CMSS1: variants seen among roughly 807,000 people sequenced by gnomAD.
CMSS1 encodes the protein protein CMSS1.
CMSS1 carries 33 observed loss-of-function variants against 43.5 expected under a neutral mutation model. That is an observed-to-expected ratio of 0.76 (90% confidence interval 0.57 to 1.01). The LOEUF is 1.01. CMSS1 is among the 50% of genes least tolerant of loss of function. CMSS1 has a pLI of 0.00. For synonymous variants in CMSS1, 115 were observed against 117.2 expected (o/e 0.98, Z 0.12); for missense variants, 313 against 326.4 (o/e 0.96, Z 0.32).
chr3:99,936,558 T>TTTTTTTTTTTTTTTTTTTTTTTTTTTG, intron 1 of CMSS1, among the ~76,000 whole-genome samples: 1 of 142,330 alleles, frequency 7.0e-6, no homozygotes, highest in African/African-American at 2.7e-5. Context: ...GTATTTTTAC[T>TTTTTTTTTTTTTTTTTTTTTTTTTTTG]AGAGGTGGAA....
chr3:99,833,047 C>T (rs1484137465), intron 1 of CMSS1: 1 of 609,368 alleles, frequency 1.6e-6, no homozygotes, highest in African/African-American at 1.9e-5. Flanking sequence ...TCTTTTAAGA[C>T]CACACAGTGA....
intron 1 of CMSS1, among the ~76,000 whole-genome samples, chr3:99,977,848 G>T (rs892288953): frequency 1.1e-4 from 17 of 152,034 alleles, no homozygotes; most frequent in Non-Finnish European, 2.5e-4. Flanking sequence ...TCCAATAAGA[G>T]AAATCTGTTA....
At chr3:100,161,568 T>A (rs924605392) in intron 3 of CMSS1, among the ~76,000 whole-genome samples, 1 of 151,882 alleles carries the variant, frequency 6.6e-6, no homozygotes, top group African/African-American at 2.4e-5. Flanking sequence ...GGGGAAAATC[T>A]GGGGTCAGGG....
chr3:99,908,372 A>G (rs926171379), intron 1 of CMSS1, among the ~76,000 whole-genome samples: 1 of 152,378 alleles, frequency 6.6e-6, no homozygotes, highest in East Asian at 1.9e-4. Context: ...TTGGCATCTT[A>G]AAAGAACATT....
chr3:100,081,206 C>A (rs1445494841), intron 1 of CMSS1, among the ~76,000 whole-genome samples: 1 of 152,126 alleles, frequency 6.6e-6, no homozygotes, highest in African/African-American at 2.4e-5. Flanking sequence ...CCGAAGCCAC[C>A]CAAGAGTCCT....
At chr3:99,929,704 A>G in intron 1 of CMSS1, 4 of 550,488 alleles carry the variant, frequency 7.3e-6, no homozygotes, top group Non-Finnish European at 8.9e-6. Flanking sequence ...TAACTTTCCT[A>G]TTGAACTTGT....
intron 1 of CMSS1, chr3:99,924,092 A>G: frequency 1.3e-6 from 1 of 748,110 alleles, no homozygotes; most frequent in Non-Finnish European, 2.3e-6. Context: ...CTTCAAACAT[A>G]TCCTTTTCCT....
chr3:100,147,265 CTTTTTTTTTTTTTTT>C (rs71132514), intron 2 of CMSS1, among the ~76,000 whole-genome samples: 4 of 86,834 alleles, frequency 4.6e-5, no homozygotes, highest in African/African-American at 1.8e-4. Flanking sequence ...AATTCTTTTT[CTTTTTTTTTTTTTTT>C]TTTTTTTTGA....
At chr3:100,139,684 C>A (rs2066788922) in intron 1 of CMSS1, among the ~76,000 whole-genome samples, 1 of 150,652 alleles carries the variant, frequency 6.6e-6, no homozygotes, top group African/African-American at 2.4e-5. Flanking sequence ...GTAATCCCAG[C>A]TACCCAGGAG....
At chr3:99,980,099 G>A (rs1709077851) in intron 1 of CMSS1, among the ~76,000 whole-genome samples, 1 of 152,122 alleles carries the variant, frequency 6.6e-6, no homozygotes. Context: ...ATGATGAGAA[G>A]CCTAATTCAG....
At chr3:100,093,714 C>T (rs550475259) in intron 1 of CMSS1, among the ~76,000 whole-genome samples, 4 of 152,320 alleles carry the variant, frequency 2.6e-5, no homozygotes, top group African/African-American at 9.6e-5. Flanking sequence ...CCATCCCCTA[C>T]TCTCTCCTGA....
Position 100,107,878 on chromosome 3 carries a change from A to T in CMSS1, c.65-39095A>T, listed in dbSNP as rs772930718. On this transcript the variant is annotated intron_variant, in intron 1 of 9. Coordinates refer to ENST00000421999, the MANE Select transcript of CMSS1 (RefSeq NM_032359.4). ...TATGGTAGAAGAGAGCAAGAGAATT[A>T]AAAAAAAAAAAAAAAAAGTTACTTG... 5.0e-3 allele frequency among the ~76,000 whole-genome samples: 402 copies of T among 81,078 alleles called. 1 individual carries two copies. Among genetic ancestry groups the T allele is most frequent in the Non-Finnish European group, 7.3e-3 (232 of 31,740 alleles). 53.2% of individuals were successfully genotyped at this position (81,078 alleles called of 152,430 possible).
Position 99,973,232 on chromosome 3 carries a change from A to G in CMSS1, c.64+155189A>G, listed in dbSNP as rs933203217. Among the ~76,000 whole-genome samples, 4 of 152,180 alleles carry G rather than the reference A, an allele frequency of 2.6e-5. No homozygotes were observed. In the South Asian group the frequency reaches 8.3e-4, roughly 32 times the overall value. ...AACATCATAAACAAAATGAATAAAAATTTTTTTTCTCTTCTTGTGATCTCA... is the reference window on the plus strand; with the variant it reads ...AACATCATAAACAAAATGAATAAAAGTTTTTTTTCTCTTCTTGTGATCTCA... On this transcript the variant is annotated intron_variant, in intron 1 of 9. Transcript: ENST00000421999.
At chr3:99,881,149 CATAAGTTGGCT>C (rs1482869058) in intron 1 of CMSS1, among the ~76,000 whole-genome samples, 1 of 152,006 alleles carries the variant, frequency 6.6e-6, no homozygotes, top group Non-Finnish European at 1.5e-5. Flanking sequence ...CAGGGGATGC[CATAAGTTGGCT>C]ATGGACTCTA....
At chr3:100,074,844 C>T (rs1247163736) in intron 1 of CMSS1, among the ~76,000 whole-genome samples, 1 of 151,452 alleles carries the variant, frequency 6.6e-6, no homozygotes, top group Non-Finnish European at 1.5e-5. Flanking sequence ...CAGGTGCGCA[C>T]CACCACTCCT....
chr3:99,945,404 C>T (rs1307129976), intron 1 of CMSS1, among the ~76,000 whole-genome samples: 1 of 152,170 alleles, frequency 6.6e-6, no homozygotes, highest in Non-Finnish European at 1.5e-5. Flanking sequence ...CTTGGGGGTT[C>T]CACCCACTGT....
At chr3:100,052,654 G>A (rs1419815925) in intron 1 of CMSS1, among the ~76,000 whole-genome samples, 10 of 152,144 alleles carry the variant, frequency 6.6e-5, no homozygotes, top group African/African-American at 2.4e-4. Context: ...GAATCCATGG[G>A]TAAGTTAATG....
At chr3:99,841,940 A>G (rs1239184630) in intron 1 of CMSS1, among the ~76,000 whole-genome samples, 2 of 152,226 alleles carry the variant, frequency 1.3e-5, no homozygotes, top group East Asian at 1.9e-4. Flanking sequence ...TTAAAGAACT[A>G]AAAGTAGATC....
intron 1 of CMSS1, among the ~76,000 whole-genome samples, chr3:100,107,877 T>TAAA (rs11322494): frequency 1.5e-5 from 2 of 130,060 alleles, no homozygotes; most frequent in African/African-American, 2.9e-5. Flanking sequence ...GCAAGAGAAT[T>TAAA]AAAAAAAAAA....
Sources: allele counts gnomAD v4.1 joint callset (sites outside exome capture counted in the v4.1 genomes callset), GRCh38; gene constraint gnomAD v4.1.1; transcripts MANE v1.5; gene names NCBI Gene and HGNC (gene_info 2026-07-23, HGNC 2026-07-21).